The following ZNF138 variants were observed in gnomAD, a reference collection of about 807,000 sequenced individuals.
The protein encoded by ZNF138 is zinc finger protein 138, also known as zinc finger protein 138 (clone pHZ-32).
ZNF138 carries 33 observed loss-of-function variants against 33.0 expected under a neutral mutation model. That is an observed-to-expected ratio of 1.00 (90% CI 0.76 to 1.34). ZNF138 has a LOEUF of 1.34. Among genes scored for constraint, ZNF138 ranks in the 40% most tolerant of loss-of-function variants. The probability of loss-of-function intolerance (pLI) is 0.00; values close to 1 mark genes in which losing one functional copy is unlikely to be tolerated. For missense variants in ZNF138, 360 were observed against 370.8 expected, an observed-to-expected ratio of 0.97 and a Z score of 0.24; for synonymous variants, 139 against 120.4, an observed-to-expected ratio of 1.15 and a Z score of -1.01.
At chr7:64,843,168 G>A in the ZNF138 span, among the ~76,000 whole-genome samples, 2 of 152,100 alleles carry the variant, frequency 1.3e-5, no homozygotes, top group East Asian at 3.8e-4. Context: ...CTTTAAAGAT[G>A]AATAGTATTC....
At chr7:64,807,194 C>A (rs1787673570) in intron 1 of ZNF138, among the ~76,000 whole-genome samples, 2 of 152,320 alleles carry the variant, frequency 1.3e-5, no homozygotes, top group Admixed American at 1.3e-4. Context: ...AATCTCTGTT[C>A]AGGGCTCTCA....
chr7:64,824,684 T>C (rs866396387), intron 3 of ZNF138, among the ~76,000 whole-genome samples: 2 of 152,220 alleles, frequency 1.3e-5, no homozygotes, highest in Non-Finnish European at 2.9e-5. Context: ...AAATTCTTGA[T>C]AAATTTACCC....
intron 1 of ZNF138, among the ~76,000 whole-genome samples, chr7:64,813,710 A>C (rs1562903022): frequency 6.6e-6 from 1 of 152,196 alleles, no homozygotes; most frequent in Non-Finnish European, 1.5e-5. Flanking sequence ...CTGGGATTAC[A>C]GGCGTGAGTC....
chr7:64,860,179 T>G, the ZNF138 span, among the ~76,000 whole-genome samples: 1 of 152,238 alleles, frequency 6.6e-6, no homozygotes, highest in Admixed American at 6.5e-5. Context: ...AGTATGTATT[T>G]GTTGGGTACA....
At chr7:64,821,026 G>A (rs202074046) in intron 3 of ZNF138, among the ~76,000 whole-genome samples, 6,666 of 86,138 alleles carry the variant, frequency 0.077, 256 homozygotes, top group East Asian at 0.21. Context: ...TAATTGGTGT[G>A]AGGTGATTGT....
At chr7:64,795,604 A>G (rs548813367) in intron 1 of ZNF138, among the ~76,000 whole-genome samples, 1 of 151,956 alleles carries the variant, frequency 6.6e-6, no homozygotes, top group South Asian at 2.1e-4. Flanking sequence ...AAGATTTGTT[A>G]TCTGTTTGTA....
At position 64,832,815 on chromosome 7, in the gene ZNF138, C is replaced by A. The variant is rs1314328870; in HGVS notation, c.*613C>A. On this transcript the variant is annotated 3_prime_UTR_variant, in exon 4 of 4. Coordinates refer to ENST00000307355, the MANE Select transcript of ZNF138 (RefSeq NM_001271639.2). ...AAACCTTACTAAACACAAGAAGATT[C>A]ATACTAGAGAGAAACCCTACAAATG... 3 of 446,030 alleles carry A rather than the reference C, an allele frequency of 6.7e-6. No individual in the cohort carries two copies. Among genetic ancestry groups the A allele is most frequent in the East Asian group, 1.2e-4 (2 of 16,976 alleles). 27.6% of individuals were successfully genotyped at this position (446,030 alleles called of 1,614,324 possible).
intron 1 of ZNF138, among the ~76,000 whole-genome samples, chr7:64,807,056 C>A (rs1376182282): frequency 6.6e-6 from 1 of 152,262 alleles, no homozygotes; most frequent in African/African-American, 2.4e-5. Flanking sequence ...AAACCACAAA[C>A]AATAGCATGA....
At chr7:64,849,549 G>A in the ZNF138 span, among the ~76,000 whole-genome samples, 2 of 152,076 alleles carry the variant, frequency 1.3e-5, no homozygotes, top group African/African-American at 2.4e-5. Context: ...TGGGTAGGGA[G>A]GGAAGATCAT....
chr7:64,860,751 T>A, the ZNF138 span, among the ~76,000 whole-genome samples: 34 of 152,238 alleles, frequency 2.2e-4, 1 homozygote, highest in East Asian at 6.4e-3. Context: ...TAAGTAACAA[T>A]GAAAATTATT....
At chr7:64,852,131 A>T in the ZNF138 span, among the ~76,000 whole-genome samples, 1 of 152,250 alleles carries the variant, frequency 6.6e-6, no homozygotes, top group Non-Finnish European at 1.5e-5. Flanking sequence ...GTGTCTAAAG[A>T]TTCAAAATGT....
chr7:64,828,061 T>A (rs1350014803), intron 3 of ZNF138, among the ~76,000 whole-genome samples: 1 of 152,162 alleles, frequency 6.6e-6, no homozygotes, highest in Admixed American at 6.5e-5. Context: ...TTTAATCTTG[T>A]CTAGGTAAAA....
At chr7:64,843,728 T>C in the ZNF138 span, among the ~76,000 whole-genome samples, 1 of 152,192 alleles carries the variant, frequency 6.6e-6, no homozygotes, top group African/African-American at 2.4e-5. Context: ...CTCATTTTGT[T>C]GATTGTATCA....
intron 3 of ZNF138, among the ~76,000 whole-genome samples, chr7:64,819,639 G>A (rs1439559555): frequency 2.0e-5 from 3 of 152,108 alleles, no homozygotes; most frequent in Admixed American, 6.6e-5. Context: ...AAAGTGCTAG[G>A]ATTACAAGCG....
intron 1 of ZNF138, among the ~76,000 whole-genome samples, chr7:64,802,281 T>C (rs1787196421): frequency 6.6e-6 from 1 of 152,186 alleles, no homozygotes; most frequent in Non-Finnish European, 1.5e-5. Flanking sequence ...CAAGTTTTAT[T>C]GTGGAGAGGA....
intron 1 of ZNF138, among the ~76,000 whole-genome samples, chr7:64,796,197 A>G (rs556257186): frequency 6.6e-6 from 1 of 152,336 alleles, no homozygotes; most frequent in South Asian, 2.1e-4. Context: ...CAAAAAGACA[A>G]ATCAAACCTT....
At chr7:64,803,809 A>C (rs1787354556) in intron 1 of ZNF138, among the ~76,000 whole-genome samples, 2 of 152,194 alleles carry the variant, frequency 1.3e-5, no homozygotes, top group African/African-American at 4.8e-5. Context: ...GTATCTAATC[A>C]AAAAAGTTAC....
the ZNF138 span, among the ~76,000 whole-genome samples, chr7:64,838,990 A>G: frequency 2.0e-5 from 3 of 152,154 alleles, no homozygotes; most frequent in Non-Finnish European, 2.9e-5. Flanking sequence ...ATTAATGGCA[A>G]GAGAGGCTGG....
the ZNF138 span, among the ~76,000 whole-genome samples, chr7:64,845,614 A>T: frequency 6.6e-6 from 1 of 152,118 alleles, no homozygotes; most frequent in Non-Finnish European, 1.5e-5. Flanking sequence ...TGATTATGGC[A>T]ATTCTTGTGG....
Sources: allele counts gnomAD v4.1 joint callset (sites outside exome capture counted in the v4.1 genomes callset), GRCh38; gene constraint gnomAD v4.1.1; transcripts MANE v1.5; gene names NCBI Gene and HGNC (gene_info 2026-07-23, HGNC 2026-07-21).